Variants in RBM46 observed in about 807,000 individuals in gnomAD.
RBM46 encodes RNA binding motif protein 46.
Under a neutral mutation model 43.3 loss-of-function variants are expected in RBM46, and 12 were observed. The ratio of observed to expected loss-of-function variants is 0.28; its 90% confidence interval spans 0.18 to 0.45. The LOEUF is 0.45. RBM46 is among the 20% of genes least tolerant of loss of function. The pLI is 1.00. For synonymous variants in RBM46, 205 were observed against 207.6 expected, an observed-to-expected ratio of 0.99 and a Z score of 0.11; for missense variants, 412 against 639.1, an observed-to-expected ratio of 0.64 and a Z score of 3.83.
At chr4:154,789,026 G>T (rs994512470) in intron 1 of RBM46, among the ~76,000 whole-genome samples, 1 of 152,154 alleles carries the variant, frequency 6.6e-6, no homozygotes, top group Non-Finnish European at 1.5e-5. Context: ...CAACGCTTTT[G>T]TATCCTGAGA....
chr4:154,785,125 C>G (rs958026972), intron 1 of RBM46, among the ~76,000 whole-genome samples: 1 of 151,652 alleles, frequency 6.6e-6, no homozygotes, highest in Non-Finnish European at 1.5e-5. Flanking sequence ...ATTGGTGACT[C>G]TTCAGTGTGT....
intron 1 of RBM46, among the ~76,000 whole-genome samples, chr4:154,794,935 G>A (rs1734277525): frequency 6.6e-6 from 1 of 151,632 alleles, no homozygotes; most frequent in Non-Finnish European, 1.5e-5. Context: ...TAGAGTGTAA[G>A]CTATGCAAGG....
chr4:154,790,487 G>A (rs532212049), intron 1 of RBM46: 7 of 152,122 alleles, frequency 4.6e-5, no homozygotes, highest in South Asian at 4.2e-4. Context: ...CATTCCCCTC[G>A]GGGGAATAAA....
intron 1 of RBM46, among the ~76,000 whole-genome samples, chr4:154,782,878 T>G (rs943325036): frequency 5.9e-5 from 9 of 152,184 alleles, no homozygotes; most frequent in Admixed American, 4.6e-4. Flanking sequence ...ATAAGGAGAA[T>G]AACATATAAA....
chr4:154,783,017 C>T (rs1393686932), intron 1 of RBM46, among the ~76,000 whole-genome samples: 2 of 152,130 alleles, frequency 1.3e-5, no homozygotes, highest in Non-Finnish European at 2.9e-5. Flanking sequence ...ATTGAATCTC[C>T]TTATGGGGGT....
intron 4 of RBM46, among the ~76,000 whole-genome samples, chr4:154,812,017 CTTTTTTTTTT>C (rs76513488): frequency 7.5e-6 from 1 of 133,162 alleles, no homozygotes; most frequent in African/African-American, 2.7e-5. Context: ...CACTTCTTTA[CTTTTTTTTTT>C]TTTTTTTAAC....
chr4:154,828,113 T>TTTGTAAATTTGTGTAAATTTGTA lies in RBM46; in HGVS notation c.*46_*47insTTGTAAATTTGTGTAAATTTGTA. 7.3e-7 allele frequency: 1 copy of TTTGTAAATTTGTGTAAATTTGTA among 1,363,492 alleles called. No homozygotes were observed. The highest frequency in any genetic ancestry group is 2.3e-5 in the East Asian group (1 of 43,622). The allele number at this position is 1,363,492 out of a possible 1,614,324, so 84.5% of individuals were successfully genotyped here. On this transcript the variant is annotated 3_prime_UTR_variant, in exon 5 of 5. Transcript: ENST00000281722. ...TGAAAATTTGTGTAAATTTGTAGTA[T>TTTGTAAATTTGTGTAAATTTGTA]GAAAACTTGCAAATTAAAATATTGT...
chr4:154,820,002 T>A (rs1156966764), intron 4 of RBM46, among the ~76,000 whole-genome samples: 2 of 152,098 alleles, frequency 1.3e-5, no homozygotes, highest in African/African-American at 4.8e-5. Flanking sequence ...TTACTTAGAT[T>A]CTTTGGCTTT....
At chr4:154,818,981 A>G (rs187208452) in intron 4 of RBM46, among the ~76,000 whole-genome samples, 1 of 152,204 alleles carries the variant, frequency 6.6e-6, no homozygotes, top group African/African-American at 2.4e-5. Context: ...TTGTTATTTC[A>G]ATACTCAGTT....
chr4:154,790,897 G>C (rs1734055154), intron 1 of RBM46, among the ~76,000 whole-genome samples: 1 of 152,208 alleles, frequency 6.6e-6, no homozygotes, highest in African/African-American at 2.4e-5. Context: ...ACTTGATATA[G>C]GGTGGGGCAG....
intron 4 of RBM46, chr4:154,826,702 G>A (rs1303541132): frequency 1.0e-6 from 1 of 958,364 alleles, no homozygotes; most frequent in Non-Finnish European, 1.6e-6. Context: ...TTATAATGCT[G>A]GAAATTAAAC....
intron 4 of RBM46, among the ~76,000 whole-genome samples, chr4:154,801,275 T>G (rs998937855): frequency 8.5e-5 from 13 of 152,122 alleles, no homozygotes; most frequent in Non-Finnish European, 1.8e-4. Context: ...GATTCTGATT[T>G]GGAGATATCA....
chr4:154,784,571 T>C (rs912564664), intron 1 of RBM46, among the ~76,000 whole-genome samples: 3 of 152,168 alleles, frequency 2.0e-5, no homozygotes, highest in Non-Finnish European at 4.4e-5. Flanking sequence ...GAAAGTGAGC[T>C]AGAGAGGAAT....
intron 1 of RBM46, among the ~76,000 whole-genome samples, chr4:154,785,982 A>T (rs2111085205): frequency 1.3e-5 from 2 of 152,324 alleles, no homozygotes; most frequent in Middle Eastern, 6.8e-3. Context: ...GTGTTGAGAA[A>T]GGTGGTTATA....
chr4:154,815,340 G>A (rs775669514), intron 4 of RBM46, among the ~76,000 whole-genome samples: 1 of 152,006 alleles, frequency 6.6e-6, no homozygotes, highest in African/African-American at 2.4e-5. Flanking sequence ...GAATATATAG[G>A]AGTGAAAGTG....
At chr4:154,816,472 G>A (rs929649213) in intron 4 of RBM46, among the ~76,000 whole-genome samples, 8 of 152,004 alleles carry the variant, frequency 5.3e-5, no homozygotes, top group African/African-American at 1.9e-4. Context: ...TATACCTAGT[G>A]TTTTTCATAA....
At chr4:154,805,402 A>C (rs1426807550) in intron 4 of RBM46, among the ~76,000 whole-genome samples, 1 of 152,028 alleles carries the variant, frequency 6.6e-6, no homozygotes, top group Non-Finnish European at 1.5e-5. Context: ...TTTGTAATGG[A>C]CTTGTATATT....
chr4:154,812,537 G>A (rs750942383), intron 4 of RBM46, among the ~76,000 whole-genome samples: 53 of 152,234 alleles, frequency 3.5e-4, no homozygotes, highest in Non-Finnish European at 6.5e-4. Context: ...AACAGGCAAA[G>A]TTTGTTTGTA....
chr4:154,813,979 A>G (rs1735308144), intron 4 of RBM46, among the ~76,000 whole-genome samples: 1 of 152,080 alleles, frequency 6.6e-6, no homozygotes, highest in Non-Finnish European at 1.5e-5. Context: ...TCAAAGATAT[A>G]GAATATGCTT....
Sources: gnomAD v4.1 joint callset for allele counts (sites outside exome capture counted in the v4.1 genomes callset) on GRCh38, gnomAD v4.1.1 for gene constraint, MANE v1.5 for transcripts, NCBI Gene and HGNC (gene_info 2026-07-23, HGNC 2026-07-21) for gene names.